FRYL: variants seen among roughly 807,000 people sequenced by gnomAD.
The protein encoded by FRYL is protein furry homolog-like.
Under a neutral mutation model 351.2 loss-of-function variants are expected in FRYL, and 150 were observed. That is an observed-to-expected ratio of 0.43 (90% confidence interval 0.37 to 0.49). FRYL has a LOEUF of 0.49. Among genes scored for constraint, FRYL ranks in the 20% least tolerant of loss-of-function variants. The probability of loss-of-function intolerance (pLI) is 0.00; values close to 1 mark genes in which losing one functional copy is unlikely to be tolerated. For missense variants in FRYL, 3,036 were observed against 3,619.3 expected (o/e 0.84, Z 4.13); for synonymous variants, 1,153 against 1,257.1 (o/e 0.92, Z 1.75).
rs530248044 is a variant in FRYL, at chr4:48,582,652, G to A, written c.1831C>T (p.Arg611Trp). Residue 611 changes from arginine (R) to tryptophan (W), a missense_variant, in exon 20 of 64, where the codon CGG becomes TGG. By Grantham distance (101) the Arg-to-Trp change is moderately radical (BLOSUM62 -3). Transcript: ENST00000358350. ...ACAAATCCTGAAAGAACATCCTCCC[G>A]CCAATCTGGAAAATCAAGCATTAGT... is the stretch of plus-strand genomic sequence containing the variant. Reference protein sequence around the residue: ...QALMLDFPDWREDVLSGFVYF... With the variant: ...QALMLDFPDWWEDVLSGFVYF... 1.9e-6 allele frequency: 3 copies of A among 1,613,906 alleles called. No individual in the cohort carries two copies. The highest frequency in any genetic ancestry group is 2.2e-5 in the South Asian group (2 of 91,070).
At chr4:48,671,882 A>G (rs1762811125) in intron 3 of FRYL, among the ~76,000 whole-genome samples, 2 of 148,092 alleles carry the variant, frequency 1.4e-5, no homozygotes, top group African/African-American at 2.5e-5. Context: ...ACAAAAAAAA[A>G]AAAAAAAAAG....
intron 1 of FRYL, among the ~76,000 whole-genome samples, chr4:48,723,125 T>G (rs1056715282): frequency 1.5e-4 from 23 of 152,078 alleles, no homozygotes; most frequent in African/African-American, 5.3e-4. Flanking sequence ...ACCTCAAACC[T>G]AACAGGTTTT....
rs924205844 is a variant in FRYL, at chr4:48,497,626, A to T, written c.*1796T>A. On this transcript the variant is annotated 3_prime_UTR_variant, in exon 64 of 64. Transcript: ENST00000358350. ...GATGTAAGGAGGGTAAGAAAAACAG[A>T]GGACAGTAAGATAGGATGTAAAGTG... 6.6e-6 allele frequency: 1 copy of T among 152,594 alleles called. No individual in the cohort carries two copies. Among genetic ancestry groups the T allele is most frequent in the Non-Finnish European group, 1.5e-5 (1 of 68,030 alleles). The allele number at this position is 152,594 out of a possible 1,614,324, so 9.5% of individuals were successfully genotyped here. A position where few individuals can be genotyped will look rare whatever the true frequency, so the allele number is the denominator to read the frequency against.
chr4:48,576,312 T>G (rs1310060621), intron 23 of FRYL, 90 bp from the exon 24 acceptor site: 30 of 1,110,580 alleles, frequency 2.7e-5, no homozygotes, highest in Admixed American at 1.3e-4. Flanking sequence ...TTCTTTTTTT[T>G]TTTTTTTGAG....
chr4:48,667,435 CTT>C (rs536377267), intron 3 of FRYL, among the ~76,000 whole-genome samples: 10 of 143,422 alleles, frequency 7.0e-5, no homozygotes, highest in African/African-American at 7.6e-5. Context: ...CACCCCCTCG[CTT>C]TTTTTTTTTT....
intron 35 of FRYL, 112 bp downstream of exon 35, chr4:48,556,866 G>A: frequency 1.2e-6 from 1 of 859,858 alleles, no homozygotes; most frequent in Non-Finnish European, 1.7e-6. Context: ...TCTTCATCCC[G>A]GCCCTTGCCT....
rs529821430 is a variant in FRYL at position 48,565,609 on chromosome 4, A to G, written c.3252T>C (p.Phe1084=). Residue 1084 remains phenylalanine, a synonymous_variant, in exon 29 of 64, where the codon TTT becomes TTC. Transcript: ENST00000358350. The stretch of plus-strand genomic sequence containing the variant: ...TGTCCAAGGGCGTAAACATGATGCT[A>G]AAAGGACCTGCCCAGTGACTGAACA... ...FMLFSHWAGP[F]SIMFTPLDRY... The G allele has an allele frequency of 6.2e-7, 1 of 1,613,810 alleles. No homozygotes were observed. The highest frequency in any genetic ancestry group is 2.2e-5 in the East Asian group (1 of 44,860).
At chr4:48,590,220 C>T (rs1446356430) in intron 17 of FRYL, among the ~76,000 whole-genome samples, 1 of 152,136 alleles carries the variant, frequency 6.6e-6, no homozygotes, top group African/African-American at 2.4e-5. Flanking sequence ...TGGTGGCTCA[C>T]GTCTGTAATC....
At chr4:48,686,395 T>C (rs1247424015) in intron 2 of FRYL, among the ~76,000 whole-genome samples, 1 of 152,228 alleles carries the variant, frequency 6.6e-6, no homozygotes. Context: ...TGGAATTTTT[T>C]ACTGTTCCAG....
At chr4:48,527,784 T>C in intron 52 of FRYL, 131 bp from the exon 53 acceptor site, 11 of 1,061,264 alleles carry the variant, frequency 1.0e-5, no homozygotes, top group Admixed American at 2.6e-5. Context: ...TTGGTCTTCA[T>C]GTTTAACTAG....
In FRYL at chr4:48,603,326, A is replaced by G. The variant is rs755445044; in HGVS notation, c.897T>C (p.Thr299=). ...TCTTTCTCGAGCTCAGTTCAAAAGT[A>G]GTCTGATAAAGCATCTCCACAAAAT... The part of the protein sequence containing the change: ...LKNFVEMLYQ[T]TFELSSRKKH... The change falls in exon 12 of 64, where the codon ACT becomes ACC. Residue 299 remains threonine, a synonymous_variant. Coordinates refer to ENST00000358350, the MANE Select transcript of FRYL (RefSeq NM_015030.2). 6.2e-7 allele frequency: 1 copy of G among 1,612,496 alleles called. No homozygotes were observed. The highest frequency in any genetic ancestry group is 8.5e-7 in the Non-Finnish European group (1 of 1,179,136).
chr4:48,573,421 G>C (rs1304248903), intron 25 of FRYL, among the ~76,000 whole-genome samples, 178 bp from the exon 26 acceptor site: 1 of 151,488 alleles, frequency 6.6e-6, no homozygotes, highest in Admixed American at 6.6e-5. Context: ...AGACTATTTG[G>C]AAACCAGAAA....
chr4:48,709,267 T>G (rs1767753272), intron 2 of FRYL, among the ~76,000 whole-genome samples: 1 of 152,118 alleles, frequency 6.6e-6, no homozygotes, highest in African/African-American at 2.4e-5. Context: ...GAATCACTGA[T>G]CTAAGATGTA....
intron 18 of FRYL, among the ~76,000 whole-genome samples, chr4:48,589,182 T>C (rs1305374856): frequency 6.6e-6 from 1 of 152,142 alleles, no homozygotes; most frequent in Non-Finnish European, 1.5e-5. Flanking sequence ...AGTAAGCTAT[T>C]GCCATAACAT....
At chr4:48,606,146 G>C (rs188835911) in intron 10 of FRYL, among the ~76,000 whole-genome samples, 1 of 148,254 alleles carries the variant, frequency 6.7e-6, no homozygotes. Flanking sequence ...GGTGGCAGGC[G>C]CCTGTAATCC....
At chr4:48,634,660 T>C (rs1241339702) in intron 3 of FRYL, among the ~76,000 whole-genome samples, 170 bp from the exon 4 acceptor site, 2 of 152,216 alleles carry the variant, frequency 1.3e-5, no homozygotes, top group Non-Finnish European at 2.9e-5. Context: ...ATTTATAATT[T>C]AATTACATAT....
At chr4:48,736,131 A>C (rs368710779) in intron 1 of FRYL, among the ~76,000 whole-genome samples, 55 of 152,260 alleles carry the variant, frequency 3.6e-4, no homozygotes, top group African/African-American at 1.2e-3. Context: ...TGGGTCAAAA[A>C]ATAAATCTCA....
chr4:48,643,712 G>A (rs1462659125), intron 3 of FRYL, among the ~76,000 whole-genome samples: 2 of 151,978 alleles, frequency 1.3e-5, no homozygotes, highest in East Asian at 3.9e-4. Flanking sequence ...CAATCACCTA[G>A]AAATAGAAAA....
At chr4:48,574,230 C>G (rs575654554) in intron 25 of FRYL, among the ~76,000 whole-genome samples, 39 of 152,110 alleles carry the variant, frequency 2.6e-4, no homozygotes, top group Non-Finnish European at 4.1e-4. Context: ...AATCATGTAT[C>G]GAAAACTGCT....
Sources: allele counts gnomAD v4.1 joint callset (sites outside exome capture counted in the v4.1 genomes callset), GRCh38; gene constraint gnomAD v4.1.1; transcripts MANE v1.5; gene names NCBI Gene and HGNC (gene_info 2026-07-23, HGNC 2026-07-21).